CFAP69: variants seen among roughly 807,000 people sequenced by gnomAD.
The protein encoded by CFAP69 is cilia- and flagella-associated protein 69.
In CFAP69, 92 loss-of-function variants were observed where a neutral mutation model predicts 123.0. The ratio of observed to expected loss-of-function variants is 0.75; its 90% confidence interval spans 0.63 to 0.89. CFAP69 has a LOEUF of 0.89. Among genes scored for constraint, CFAP69 ranks in the 40% least tolerant of loss-of-function variants. The pLI is 0.00. For synonymous variants in CFAP69, 380 were observed against 364.3 expected (o/e 1.04, Z -0.49); for missense variants, 1,067 against 1,096.9 (o/e 0.97, Z 0.39).
chr7:90,279,784 G>A lies in CFAP69; in HGVS notation c.1263G>A (p.Leu421=), dbSNP rs759899812. 6.2e-7 allele frequency: 1 copy of A among 1,612,542 alleles called. No homozygotes were observed. Among genetic ancestry groups the A allele is most frequent in the South Asian group, 1.1e-5 (1 of 90,846 alleles). The change falls in exon 12 of 23, where the codon CTG becomes CTA. Residue 421 remains leucine (L), a synonymous_variant. Coordinates refer to ENST00000389297, the MANE Select transcript of CFAP69 (RefSeq NM_001039706.3). ...WSAAQHEELQ[L]HAIATLSSVA... Reference sequence around the variant, plus strand: ...CAGCACAGCATGAAGAATTACAACTGCATGCAATTGCCACTTTGTCATCAG... The same window carrying A: ...CAGCACAGCATGAAGAATTACAACTACATGCAATTGCCACTTTGTCATCAG...
At chr7:90,263,415 T>A (rs1009301908) in intron 4 of CFAP69, among the ~76,000 whole-genome samples, 2 of 152,182 alleles carry the variant, frequency 1.3e-5, no homozygotes, top group Admixed American at 6.5e-5. Context: ...CCAAGTAGTA[T>A]GGTTTTCTCA....
chr7:90,306,817 C>T, intron 19 of CFAP69, 84 bp from the exon 20 acceptor site: 1 of 811,570 alleles, frequency 1.2e-6, no homozygotes, highest in Non-Finnish European at 2.0e-6. Context: ...ACAGGAGTGA[C>T]TAACCATATA....
At chr7:90,248,339 A>G (rs1037530494) in intron 1 of CFAP69, among the ~76,000 whole-genome samples, 1 of 152,212 alleles carries the variant, frequency 6.6e-6, no homozygotes, top group African/African-American at 2.4e-5. Flanking sequence ...GCAGCAGGTA[A>G]AATGTACGGG....
At position 90,258,175 on chromosome 7, in the gene CFAP69, A is replaced by AAGTGCTAGATGATTTTAGGTT. The variant is rs752833547; in HGVS notation, c.246+12_246+13insAGTGCTAGATGATTTTAGGTT. On this transcript the variant is annotated intron_variant, in intron 3 of 22. Coordinates refer to ENST00000389297, the MANE Select transcript of CFAP69 (RefSeq NM_001039706.3). ...ATCAGAATGGACTTGTATCCTTTAC[A>AAGTGCTAGATGATTTTAGGTT]TATATATGTATGTTCATTTCATTTA... The AAGTGCTAGATGATTTTAGGTT allele has an allele frequency of 3.3e-6, 5 of 1,514,610 alleles. No homozygotes were observed. Among genetic ancestry groups the AAGTGCTAGATGATTTTAGGTT allele is most frequent in the Non-Finnish European group, 4.5e-6 (5 of 1,103,582 alleles). The allele number at this position is 1,514,610 out of a possible 1,614,324, so 93.8% of individuals were successfully genotyped here.
rs1472024956 is a variant in CFAP69 at position 90,310,919 on chromosome 7, ACT to A, written c.*684_*685del. On this transcript the variant is annotated 3_prime_UTR_variant, in exon 23 of 23. Coordinates refer to ENST00000389297, the MANE Select transcript of CFAP69 (RefSeq NM_001039706.3). ...ATATTGGGCAGCAAGATAAACAATA[ACT>A]CTGCAACAAGTATGTTGGTCAAAAT... is the stretch of plus-strand genomic sequence containing the variant. 1.3e-5 allele frequency: 2 copies of A among 152,120 alleles called. No homozygotes were observed. The highest frequency in any genetic ancestry group is 4.8e-5 in the African/African-American group (2 of 41,418). 9.4% of individuals were successfully genotyped at this position (152,120 alleles called of 1,614,324 possible). A position where few individuals can be genotyped will look rare whatever the true frequency, so the allele number is the denominator to read the frequency against.
chr7:90,303,888 G>T, intron 17 of CFAP69, 81 bp from the exon 18 acceptor site: 2 of 1,396,442 alleles, frequency 1.4e-6, no homozygotes, highest in South Asian at 1.6e-5. Context: ...ATGTTATCTA[G>T]ACTAAAATCT....
At chr7:90,248,211 G>C (rs1176381724) in intron 1 of CFAP69, among the ~76,000 whole-genome samples, 1 of 152,072 alleles carries the variant, frequency 6.6e-6, no homozygotes, top group Non-Finnish European at 1.5e-5. Flanking sequence ...TGGCTACCTG[G>C]GCTTTTGATA....
intron 13 of CFAP69, among the ~76,000 whole-genome samples, chr7:90,284,764 ATG>A (rs1192953857): frequency 6.6e-6 from 1 of 152,186 alleles, no homozygotes; most frequent in Non-Finnish European, 1.5e-5. Flanking sequence ...ATGCATGGTG[ATG>A]TGTTCAGAAC....
At chr7:90,304,967 A>G (rs1793352103) in intron 19 of CFAP69, 147 bp downstream of exon 19, 1 of 579,196 alleles carries the variant, frequency 1.7e-6, no homozygotes, top group Admixed American at 3.7e-5. Context: ...TGTTGAAGAA[A>G]TACACCATAC....
chr7:90,275,126 A>G (rs1328383799), intron 9 of CFAP69, among the ~76,000 whole-genome samples: 1 of 151,846 alleles, frequency 6.6e-6, no homozygotes, highest in East Asian at 1.9e-4. Flanking sequence ...CATCCAGTGC[A>G]TTTTTACTTC....
chr7:90,283,046 G>A lies in CFAP69; in HGVS notation c.1527G>A (p.Gln509=), dbSNP rs368130517. 1.3e-5 allele frequency: 20 copies of A among 1,550,698 alleles called. No individual in the cohort carries two copies. Among genetic ancestry groups the A allele is most frequent in the Admixed American group, 2.0e-5 (1 of 50,580 alleles). The change falls in exon 13 of 23, where the codon CAG becomes CAA. Residue 509 remains glutamine (Q), a synonymous_variant. Transcript: ENST00000389297. ...ATCTTTGTGAAAAGGGAACAATTCA[G>A]CAAATGATAGGTAAAATATAACATG... ...NKDLCEKGTI[Q]QMIGIFKNII...
Position 90,262,091 on chromosome 7 carries a change from A to G in CFAP69, c.356+35A>G, listed in dbSNP as rs757752751. On this transcript the variant is annotated intron_variant, in intron 4 of 22. Transcript: ENST00000389297. ...CTTTCTTTAACTTTATTTTGTAGTA[A>G]CATGGAGTATTTTATTATGTTTCTT... 3.1e-6 allele frequency: 4 copies of G among 1,279,826 alleles called. No individual in the cohort carries two copies. The South Asian group carries it at 5.1e-5, about 16-fold the overall frequency. 79.3% of individuals were successfully genotyped at this position (1,279,826 alleles called of 1,614,324 possible).
At chr7:90,305,081 G>A (rs1021281781) in intron 19 of CFAP69, among the ~76,000 whole-genome samples, 5 of 152,048 alleles carry the variant, frequency 3.3e-5, no homozygotes, top group East Asian at 1.9e-4. Flanking sequence ...GGTGGCTCAC[G>A]CCTGTAATCC....
chr7:90,323,061 A>G, the CFAP69 span, among the ~76,000 whole-genome samples: 1 of 152,240 alleles, frequency 6.6e-6, no homozygotes, highest in African/African-American at 2.4e-5. Flanking sequence ...TTTTGAGAAA[A>G]TGAACACTTC....
chr7:90,287,290 T>G (rs1297156370), intron 14 of CFAP69, among the ~76,000 whole-genome samples: 2 of 152,144 alleles, frequency 1.3e-5, no homozygotes, highest in East Asian at 3.9e-4. Flanking sequence ...TGTACTAGTC[T>G]TTACTAGTGG....
In CFAP69 at chr7:90,271,554, G is replaced by C; in HGVS notation, c.561G>C (p.Lys187Asn). ...PGYQQASSSYKIQMAEVGGLA... is the reference protein window; with the variant it reads ...PGYQQASSSYNIQMAEVGGLA... ...ACCAGCAAGCGAGTTCATCATACAA[G>C]ATTCAAATGGCTGAAGTTGGAGGAT... is the stretch of plus-strand genomic sequence containing the variant. The change falls in exon 7 of 23, where the codon AAG becomes AAC. Residue 187 changes from lysine to asparagine, a missense_variant. Lys to Asn is a moderately conservative substitution (Grantham distance 94). Coordinates refer to ENST00000389297, the MANE Select transcript of CFAP69 (RefSeq NM_001039706.3). The C allele has an allele frequency of 6.2e-7, 1 of 1,612,432 alleles. No individual in the cohort carries two copies. Among genetic ancestry groups the C allele is most frequent in the Non-Finnish European group, 8.5e-7 (1 of 1,179,546 alleles).
At chr7:90,250,800 C>T (rs778963256) in intron 1 of CFAP69, among the ~76,000 whole-genome samples, 3 of 152,102 alleles carry the variant, frequency 2.0e-5, no homozygotes, top group Non-Finnish European at 4.4e-5. Context: ...TTTTTCTCAT[C>T]TCCAACCCCC....
downstream of CFAP69, among the ~76,000 whole-genome samples, chr7:90,315,569 AATGCGGAACAAC>A (rs920694190): frequency 6.6e-6 from 1 of 152,150 alleles, no homozygotes; most frequent in Non-Finnish European, 1.5e-5. Flanking sequence ...ATGGACACAA[AATGCGGAACAAC>A]AGGCACTGAG....
downstream of CFAP69, among the ~76,000 whole-genome samples, chr7:90,313,474 A>G (rs1794497576): frequency 6.6e-6 from 1 of 152,120 alleles, no homozygotes; most frequent in Admixed American, 6.5e-5. Flanking sequence ...TAGACCCAAT[A>G]CCCCAACTTT....
Sources: gnomAD v4.1 joint callset for allele counts (sites outside exome capture counted in the v4.1 genomes callset) on GRCh38, gnomAD v4.1.1 for gene constraint, MANE v1.5 for transcripts, NCBI Gene and HGNC (gene_info 2026-07-23, HGNC 2026-07-21) for gene names.